The following MMP26 variants were observed in gnomAD, a reference collection of about 807,000 sequenced individuals.
MMP26 encodes the protein matrix metalloproteinase-26.
A neutral mutation model predicts 31.0 loss-of-function variants in MMP26; 33 were observed. The ratio of observed to expected loss-of-function variants is 1.06; its 90% CI spans 0.81 to 1.42. MMP26 has a LOEUF of 1.42. Among genes scored for constraint, MMP26 ranks in the 40% most tolerant of loss-of-function variants. MMP26 has a pLI of 0.00. For synonymous variants in MMP26, 122 were observed against 114.9 expected, an observed-to-expected ratio of 1.06 and a Z score of -0.40; for missense variants, 347 against 316.1, an observed-to-expected ratio of 1.10 and a Z score of -0.74.
At chr11:4,824,656 C>T (rs907696484) in intron 2 of MMP26, among the ~76,000 whole-genome samples, 2 of 152,098 alleles carry the variant, frequency 1.3e-5, no homozygotes, top group African/African-American at 4.8e-5. Context: ...TAAATCAATT[C>T]TAACATGTCA....
At chr11:4,739,683 G>A (rs902679617) in intron 1 of MMP26, among the ~76,000 whole-genome samples, 2 of 151,890 alleles carry the variant, frequency 1.3e-5, no homozygotes, top group Admixed American at 1.3e-4. Context: ...TACCTCTTAG[G>A]ACTGCATGTT....
At position 4,859,668 on chromosome 11, in the gene MMP26, G is replaced by C. The variant is rs538604208; in HGVS notation, c.-145+92327G>C. On this transcript the variant is annotated intron_variant, in intron 2 of 7. Transcript: ENST00000380390. Reference sequence around the variant, plus strand: ...GAAAGATCATTCTTCAAATTTGCTTGGTCTTCACACTGTAGACAATGGGGT... The same window carrying C: ...GAAAGATCATTCTTCAAATTTGCTTCGTCTTCACACTGTAGACAATGGGGT... 1.5e-4 allele frequency: 69 copies of C among 466,574 alleles called. No homozygotes were observed. The Admixed American group carries it at 1.5e-3, about 10-fold the overall frequency. The allele number at this position is 466,574 out of a possible 1,614,324, so 28.9% of individuals were successfully genotyped here. A position where few individuals can be genotyped will look rare whatever the true frequency, so the allele number is the denominator to read the frequency against.
chr11:4,959,422 C>T lies in MMP26; in HGVS notation c.-144-28646C>T, dbSNP rs1354257112. On this transcript the variant is annotated intron_variant, in intron 2 of 7. Transcript: ENST00000380390. ...AATATGAGTTTGACCATTCTGTCTTCTCTTAATAAAAGTCAGAAAAATCTT... is the reference window on the plus strand; with the variant it reads ...AATATGAGTTTGACCATTCTGTCTTTTCTTAATAAAAGTCAGAAAAATCTT... Among the ~76,000 whole-genome samples the T allele has an allele frequency of 2.0e-5, 3 of 152,186 alleles. No individual in the cohort carries two copies. The South Asian group carries it at 6.2e-4, about 32-fold the overall frequency.
At chr11:4,828,459 T>A (rs1302329687) in intron 2 of MMP26, among the ~76,000 whole-genome samples, 2 of 152,132 alleles carry the variant, frequency 1.3e-5, no homozygotes, top group Non-Finnish European at 2.9e-5. Context: ...GAAATACACA[T>A]CAAATAAATG....
Position 4,810,509 on chromosome 11 carries a change from G to A in MMP26, c.-145+43168G>A, listed in dbSNP as rs954126104. On this transcript the variant is annotated intron_variant, in intron 2 of 7. Coordinates refer to ENST00000380390, the MANE Select transcript of MMP26 (RefSeq NM_021801.5). ...AGGTTATTGAATACACACATTCTGT[G>A]AAGGCACATGCCTAGCTACATACCT... is the stretch of plus-strand genomic sequence containing the variant. Among the ~76,000 whole-genome samples the A allele has an allele frequency of 2.6e-5, 4 of 152,188 alleles. No homozygotes were observed. The East Asian group carries it at 5.8e-4, about 22-fold the overall frequency.
intron 2 of MMP26, among the ~76,000 whole-genome samples, chr11:4,855,035 G>C (rs1213131863): frequency 2.0e-5 from 3 of 152,040 alleles, no homozygotes; most frequent in Non-Finnish European, 4.4e-5. Flanking sequence ...CAAACATAAA[G>C]GACATCCACA....
intron 1 of MMP26, among the ~76,000 whole-genome samples, chr11:4,708,743 A>G (rs74052051): frequency 0.013 from 1,920 of 152,240 alleles, 36 homozygotes; most frequent in African/African-American, 0.042. Context: ...CCCCCAGCCA[A>G]TCTATTCTCA....
At chr11:4,726,424 C>T (rs963647458) in intron 1 of MMP26, among the ~76,000 whole-genome samples, 8 of 151,692 alleles carry the variant, frequency 5.3e-5, no homozygotes, top group South Asian at 2.1e-4. Context: ...ATCACGCCAC[C>T]GCACTCCAGC....
At chr11:4,896,240 C>A (rs1475960632) in intron 2 of MMP26, among the ~76,000 whole-genome samples, 1 of 152,222 alleles carries the variant, frequency 6.6e-6, no homozygotes, top group East Asian at 1.9e-4. Context: ...CATTTAATTA[C>A]ATAGAAAAAC....
intron 2 of MMP26, chr11:4,821,452 C>A (rs537058762): frequency 6.2e-7 from 1 of 1,613,720 alleles, no homozygotes; most frequent in South Asian, 1.1e-5. Context: ...CATTGCTGAG[C>A]CTCTGATCTT....
At chr11:4,838,310 C>T in intron 2 of MMP26, among the ~76,000 whole-genome samples, 1 of 69,558 alleles carries the variant, frequency 1.4e-5, no homozygotes, top group Non-Finnish European at 2.7e-5. Context: ...GGGCAAGACT[C>T]TGTCTAAAAA....
intron 2 of MMP26, chr11:4,832,189 AC>A: frequency 5.6e-6 from 1 of 178,474 alleles, no homozygotes; most frequent in Non-Finnish European, 1.2e-5. Flanking sequence ...TGATTGGGAT[AC>A]CAGGACTTGA....
chr11:4,820,519 T>G (rs2133470445), intron 2 of MMP26, among the ~76,000 whole-genome samples: 1 of 152,070 alleles, frequency 6.6e-6, no homozygotes, highest in Non-Finnish European at 1.5e-5. Context: ...CCTTCCCTTC[T>G]TTCTCACTCC....
At chr11:4,827,401 T>A (rs146998743) in intron 2 of MMP26, among the ~76,000 whole-genome samples, 3 of 152,120 alleles carry the variant, frequency 2.0e-5, no homozygotes, top group Admixed American at 2.0e-4. Flanking sequence ...ACTTGTTTCC[T>A]TTTTTTAAAA....
At chr11:4,865,017 A>G (rs1433247156) in intron 2 of MMP26, among the ~76,000 whole-genome samples, 2 of 152,114 alleles carry the variant, frequency 1.3e-5, no homozygotes, top group Non-Finnish European at 2.9e-5. Context: ...CCACTCATTC[A>G]TTCAGCATTC....
At chr11:4,834,251 G>A (rs1011565939) in intron 2 of MMP26, among the ~76,000 whole-genome samples, 1 of 152,026 alleles carries the variant, frequency 6.6e-6, no homozygotes, top group Non-Finnish European at 1.5e-5. Context: ...ATTGAGGGGC[G>A]CTCCATATTA....
chr11:4,762,871 C>T (rs1848584218), intron 1 of MMP26, among the ~76,000 whole-genome samples: 1 of 152,018 alleles, frequency 6.6e-6, no homozygotes, highest in East Asian at 1.9e-4. Context: ...AACTGTAGCT[C>T]AAAGAAAAGA....
At chr11:4,706,396 C>CA (rs1285903535) in intron 1 of MMP26, among the ~76,000 whole-genome samples, 2 of 148,974 alleles carry the variant, frequency 1.3e-5, no homozygotes, top group African/African-American at 5.1e-5. Flanking sequence ...CCCATCTCTA[C>CA]AAAAAATAAA....
intron 2 of MMP26, chr11:4,943,636 C>T (rs891311496): frequency 2.5e-5 from 9 of 367,318 alleles, no homozygotes; most frequent in African/African-American, 4.2e-5. Flanking sequence ...TTGCAACAAC[C>T]GAAGATGTCC....
Sources: gnomAD v4.1 joint callset for allele counts (sites outside exome capture counted in the v4.1 genomes callset) on GRCh38, gnomAD v4.1.1 for gene constraint, MANE v1.5 for transcripts, NCBI Gene and HGNC (gene_info 2026-07-23, HGNC 2026-07-21) for gene names.